Variants in CTNNA3 observed in about 807,000 individuals in gnomAD.
The protein encoded by CTNNA3 is catenin alpha-3.
In CTNNA3, 76 loss-of-function variants were observed where a neutral mutation model predicts 95.7. That is an observed-to-expected ratio of 0.79 (90% CI 0.66 to 0.96). The LOEUF is 0.96. Ranked by LOEUF, CTNNA3 falls within the 40% of genes least tolerant of loss-of-function variation. The pLI is 0.00. For missense variants in CTNNA3, 1,191 were observed against 1,089.8 expected (o/e 1.09, Z -1.31); for synonymous variants, 431 against 374.4 (o/e 1.15, Z -1.74).
intron 13 of CTNNA3, among the ~76,000 whole-genome samples, chr10:66,134,447 T>C (rs893999733): frequency 6.6e-6 from 1 of 152,150 alleles, no homozygotes; most frequent in African/African-American, 2.4e-5. Flanking sequence ...ACAAATTACA[T>C]GGTTTACTAT....
intron 1 of CTNNA3, among the ~76,000 whole-genome samples, chr10:67,704,007 G>C (rs1203911981): frequency 1.3e-5 from 2 of 152,128 alleles, no homozygotes; most frequent in African/African-American, 4.8e-5. Context: ...GCCAAATCAT[G>C]AGTGAACTCC....
chr10:66,492,345 GCAAT>G (rs1839952437), intron 11 of CTNNA3, among the ~76,000 whole-genome samples: 1 of 151,996 alleles, frequency 6.6e-6, no homozygotes, highest in South Asian at 2.1e-4. Context: ...GTGCAGTGGT[GCAAT>G]CATAGCTCAC....
chr10:66,741,456 C>A (rs1357634143), intron 9 of CTNNA3, among the ~76,000 whole-genome samples: 2 of 152,082 alleles, frequency 1.3e-5, no homozygotes, highest in African/African-American at 4.8e-5. Context: ...AAGGCTGGGC[C>A]GAGATGGGTA....
At chr10:67,442,833 T>A (rs1278249762) in intron 5 of CTNNA3, among the ~76,000 whole-genome samples, 2 of 151,864 alleles carry the variant, frequency 1.3e-5, no homozygotes, top group Non-Finnish European at 2.9e-5. Flanking sequence ...TTAGGGTACA[T>A]GTGCACAATG....
chr10:67,109,602 T>C (rs2131966217), intron 7 of CTNNA3, among the ~76,000 whole-genome samples: 1 of 152,304 alleles, frequency 6.6e-6, no homozygotes, highest in South Asian at 2.1e-4. Context: ...CCCAGCACTT[T>C]GGGAGGCCGA....
intron 3 of CTNNA3, among the ~76,000 whole-genome samples, chr10:67,546,816 T>G (rs554228685): frequency 6.6e-6 from 1 of 152,316 alleles, no homozygotes; most frequent in East Asian, 1.9e-4. Context: ...TTTATCATTT[T>G]TTCTAATATT....
intron 7 of CTNNA3, among the ~76,000 whole-genome samples, chr10:66,894,786 A>G (rs536805036): frequency 6.6e-6 from 1 of 152,084 alleles, no homozygotes; most frequent in Admixed American, 6.5e-5. Context: ...ACATAGAACT[A>G]TGCAGTTTGG....
At chr10:66,036,765 T>TG (rs1564594362) in intron 15 of CTNNA3, among the ~76,000 whole-genome samples, 1 of 152,078 alleles carries the variant, frequency 6.6e-6, no homozygotes, top group Non-Finnish European at 1.5e-5. Flanking sequence ...TATACAAAGT[T>TG]GAATTTACTT....
intron 13 of CTNNA3, among the ~76,000 whole-genome samples, chr10:66,134,159 A>T (rs1050781818): frequency 6.6e-6 from 1 of 152,142 alleles, no homozygotes; most frequent in Non-Finnish European, 1.5e-5. Context: ...AAAAACTCAT[A>T]AAAACCAAGA....
At chr10:66,710,675 TTAA>T (rs1467101460) in intron 9 of CTNNA3, among the ~76,000 whole-genome samples, 1 of 151,870 alleles carries the variant, frequency 6.6e-6, no homozygotes, top group Non-Finnish European at 1.5e-5. Flanking sequence ...ATAAATCTCT[TTAA>T]TAATTTTTTT....
rs866218650 is a variant in CTNNA3 at position 67,605,153 on chromosome 10, G to A, written c.292+1704C>T. Among the ~76,000 whole-genome samples the A allele has an allele frequency of 2.6e-5, 4 of 152,138 alleles. No individual in the cohort carries two copies. In the South Asian group the frequency reaches 8.3e-4, roughly 31 times the overall value. Reference sequence around the variant, plus strand: ...AAAACAACCTAAGCATCCATCAACAGATGAATCGATAAAGAAATTGGTCTA... The same window carrying A: ...AAAACAACCTAAGCATCCATCAACAAATGAATCGATAAAGAAATTGGTCTA... On this transcript the variant is annotated intron_variant, in intron 3 of 17. Transcript: ENST00000433211.
chr10:67,377,991 C>T lies in CTNNA3; in HGVS notation c.579+143851G>A, dbSNP rs1030715815. Reference sequence around the variant, plus strand: ...AACTCCTGGGTTCAAGCCACCCCCACACTTCAGCCTCCCAAGTAACTGGGA... The same window carrying T: ...AACTCCTGGGTTCAAGCCACCCCCATACTTCAGCCTCCCAAGTAACTGGGA... On this transcript the variant is annotated intron_variant, in intron 5 of 17. Coordinates refer to ENST00000433211, the MANE Select transcript of CTNNA3 (RefSeq NM_013266.4). Among the ~76,000 whole-genome samples, 12 of 152,174 alleles carry T rather than the reference C, an allele frequency of 7.9e-5. 1 individual carries two copies. Among genetic ancestry groups the T allele is most frequent in the Admixed American group, 6.5e-4 (10 of 15,278 alleles).
chr10:66,658,169 T>C (rs1017109836), intron 9 of CTNNA3, among the ~76,000 whole-genome samples: 1 of 152,108 alleles, frequency 6.6e-6, no homozygotes, highest in South Asian at 2.1e-4. Context: ...CTGGGAGACC[T>C]GGGCTTGAGT....
intron 11 of CTNNA3, among the ~76,000 whole-genome samples, chr10:66,481,980 A>G (rs1839553572): frequency 2.0e-5 from 3 of 152,134 alleles, no homozygotes; most frequent in African/African-American, 7.2e-5. Flanking sequence ...GAGACATGAG[A>G]AAATAAATAT....
chr10:66,693,532 G>A (rs1847640590), intron 9 of CTNNA3, among the ~76,000 whole-genome samples: 1 of 151,506 alleles, frequency 6.6e-6, no homozygotes, highest in Non-Finnish European at 1.5e-5. Flanking sequence ...ACACCCCACT[G>A]TCAACATTAG....
At chr10:67,095,155 C>T (rs953863680) in intron 7 of CTNNA3, among the ~76,000 whole-genome samples, 3 of 151,510 alleles carry the variant, frequency 2.0e-5, no homozygotes, top group African/African-American at 7.3e-5. Flanking sequence ...GAAAAATCTA[C>T]TGTGATGCTG....
chr10:66,951,651 A>C (rs200155888), intron 7 of CTNNA3, among the ~76,000 whole-genome samples: 2 of 93,620 alleles, frequency 2.1e-5, no homozygotes, highest in African/African-American at 8.6e-5. Context: ...TAACCACACT[A>C]TTGGCTTTTG....
chr10:66,957,429 C>CATATAT lies in CTNNA3; in HGVS notation c.1048-181911_1048-181906dup, dbSNP rs765398428. Among the ~76,000 whole-genome samples, 11 of 27,246 alleles carry CATATAT rather than the reference C, an allele frequency of 4.0e-4. 1 individual carries two copies. The highest frequency in any genetic ancestry group is 1.9e-3 in the African/African-American group (10 of 5,316). The allele number at this position is 27,246 out of a possible 152,430, so 17.9% of individuals were successfully genotyped here. A position where few individuals can be genotyped will look rare whatever the true frequency, so the allele number is the denominator to read the frequency against. ...ATATATATATGCATATATATATATG[C>CATATAT]ATATATATATATGCATATATATATA... On this transcript the variant is annotated intron_variant, in intron 7 of 17. Coordinates refer to ENST00000433211, the MANE Select transcript of CTNNA3 (RefSeq NM_013266.4).
At chr10:67,504,948 T>C (rs1381091607) in intron 5 of CTNNA3, among the ~76,000 whole-genome samples, 1 of 152,238 alleles carries the variant, frequency 6.6e-6, no homozygotes, top group Non-Finnish European at 1.5e-5. Context: ...ATTCCCCCAG[T>C]TGTTAAATGA....
Sources: allele counts gnomAD v4.1 joint callset (sites outside exome capture counted in the v4.1 genomes callset), GRCh38; gene constraint gnomAD v4.1.1; transcripts MANE v1.5; gene names NCBI Gene and HGNC (gene_info 2026-07-23, HGNC 2026-07-21).